The following MID2 variants were observed in gnomAD, a reference collection of about 807,000 sequenced individuals.
The protein encoded by MID2 is midline 2.
Under a neutral mutation model 46.1 loss-of-function variants are expected in MID2, and 13 were observed. That is an observed-to-expected ratio of 0.28 (90% confidence interval 0.18 to 0.45). The LOEUF (loss-of-function observed/expected upper bound fraction) is 0.45, where lower values mean the gene tolerates loss of function less well. Among genes scored for constraint, MID2 ranks in the 20% least tolerant of loss-of-function variants. The pLI is 1.00. For missense variants in MID2, 431 were observed against 575.4 expected (o/e 0.75, Z 2.57); for synonymous variants, 199 against 212.3 (o/e 0.94, Z 0.55).
chrX:107,835,059 G>C (rs1931174969), intron 1 of MID2, among the ~76,000 whole-genome samples: 1 of 111,038 alleles, frequency 9.0e-6, no homozygotes, highest in Admixed American at 9.6e-5. Context: ...CCTGCTCCTG[G>C]CAACCATTAA....
Position 107,841,030 on chromosome X carries a change from G to A in MID2, c.365G>A (p.Arg122Gln), listed in dbSNP as rs775046574. ...SGPNSPSESR[R>Q]ERTYRPTTAM... The stretch of plus-strand genomic sequence containing the variant: ...CCCAATTCCCCTAGTGAGAGCCGCC[G>A]GGAAAGGACTTACAGGCCCACCACT... Residue 122 changes from arginine (R) to glutamine (Q), a missense_variant, in exon 2 of 10, where the codon CGG becomes CAG. By Grantham distance (43) the Arg-to-Gln change is conservative. Coordinates refer to ENST00000262843, the MANE Select transcript of MID2 (RefSeq NM_012216.4). 1.4e-5 allele frequency: 17 copies of A among 1,209,400 alleles called. No homozygotes were observed. In the Admixed American group the frequency reaches 2.6e-4, roughly 19 times the overall value.
chrX:107,910,838 C>CTTTCCTTTCCTTTCCTCTCCT (rs761216078), intron 5 of MID2, among the ~76,000 whole-genome samples: 3 of 42,082 alleles, frequency 7.1e-5, no homozygotes, highest in African/African-American at 5.7e-4. Flanking sequence ...CTTTCCTTTC[C>CTTTCCTTTCCTTTCCTCTCCT]CTCTCTCTTT....
Position 107,832,191 on chromosome X carries a change from C to T in MID2, c.4+5761C>T, listed in dbSNP as rs779199827. 2.7e-5 allele frequency among the ~76,000 whole-genome samples: 3 copies of T among 111,985 alleles called. No individual in the cohort carries two copies. The Admixed American group carries it at 2.8e-4, about 11-fold the overall frequency. On this transcript the variant is annotated intron_variant, in intron 1 of 9. Coordinates refer to ENST00000262843, the MANE Select transcript of MID2 (RefSeq NM_012216.4). ...GCTGGCACTGGTGCTCTCTGCCAGT[C>T]GGTAATCAGCCTCCAGTTCTGAGTT...
chrX:107,924,675 G>A (rs1933139076), intron 8 of MID2, among the ~76,000 whole-genome samples, 171 bp downstream of exon 8: 1 of 111,681 alleles, frequency 9.0e-6, no homozygotes, highest in Non-Finnish European at 1.9e-5. Context: ...GCCCATGGGA[G>A]ATTTGTGGAC....
intron 3 of MID2, among the ~76,000 whole-genome samples, chrX:107,883,530 A>C (rs1015601681): frequency 2.6e-4 from 29 of 112,328 alleles, no homozygotes; most frequent in African/African-American, 9.4e-4. Context: ...TTTCACTGCA[A>C]CCAGTTTTTT....
chrX:107,887,021 G>T (rs1326614559), intron 3 of MID2, among the ~76,000 whole-genome samples: 1 of 111,798 alleles, frequency 8.9e-6, no homozygotes, highest in Non-Finnish European at 1.9e-5. Context: ...AGGAGATTTT[G>T]GGCTGAGATG....
chrX:107,838,343 C>T (rs1931254696), intron 1 of MID2, among the ~76,000 whole-genome samples: 1 of 112,339 alleles, frequency 8.9e-6, no homozygotes, highest in African/African-American at 3.2e-5. Context: ...TCTTCCAATT[C>T]TAAGATTCAA....
At chrX:107,890,884 A>T (rs1355707851) in intron 3 of MID2, among the ~76,000 whole-genome samples, 1 of 109,827 alleles carries the variant, frequency 9.1e-6, no homozygotes, top group African/African-American at 3.3e-5. Flanking sequence ...GCTAGCAATT[A>T]GCGAGGCTCT....
intron 3 of MID2, among the ~76,000 whole-genome samples, chrX:107,882,757 A>C (rs1932352625): frequency 8.9e-6 from 1 of 112,086 alleles, no homozygotes; most frequent in Non-Finnish European, 1.9e-5. Flanking sequence ...TGTTGGTGGG[A>C]CTGTAAACTA....
At chrX:107,912,438 AC>A (rs1932907001) in intron 5 of MID2, among the ~76,000 whole-genome samples, 1 of 111,308 alleles carries the variant, frequency 9.0e-6, no homozygotes, top group Non-Finnish European at 1.9e-5. Context: ...TATAATAGAC[AC>A]CCCTTTGTTT....
At chrX:107,863,104 A>G (rs1327555927) in intron 3 of MID2, among the ~76,000 whole-genome samples, 1 of 112,217 alleles carries the variant, frequency 8.9e-6, no homozygotes, top group Non-Finnish European at 1.9e-5. Flanking sequence ...GTGTGGTCAT[A>G]GCCTATTTTT....
intron 3 of MID2, among the ~76,000 whole-genome samples, chrX:107,873,332 T>G (rs1932119318): frequency 8.9e-6 from 1 of 112,256 alleles, no homozygotes; most frequent in African/African-American, 3.2e-5. Context: ...TCCTTTGGAT[T>G]CCTGGGGGAA....
At chrX:107,835,959 G>T (rs1237435910) in intron 1 of MID2, among the ~76,000 whole-genome samples, 1 of 111,884 alleles carries the variant, frequency 8.9e-6, no homozygotes, top group African/African-American at 3.3e-5. Flanking sequence ...AAAGATTTAT[G>T]CCTATCTTTC....
At chrX:107,922,193 C>T (rs1933084973) in intron 7 of MID2, among the ~76,000 whole-genome samples, 1 of 111,742 alleles carries the variant, frequency 8.9e-6, no homozygotes, top group African/African-American at 3.3e-5. Context: ...TTTGTATGTT[C>T]CTTCTTCCAC....
intron 3 of MID2, among the ~76,000 whole-genome samples, chrX:107,856,109 A>G (rs1223423245): frequency 8.9e-6 from 1 of 112,234 alleles, no homozygotes; most frequent in African/African-American, 3.2e-5. Flanking sequence ...TCTAGGTATC[A>G]CAGGTCATGA....
chrX:107,927,079 A>G lies in MID2; in HGVS notation c.*6A>G, dbSNP rs1351083091. 8.4e-7 allele frequency: 1 copy of G among 1,190,886 alleles called. No homozygotes were observed. Among genetic ancestry groups the G allele is most frequent in the Admixed American group, 2.2e-5 (1 of 44,480 alleles). On this transcript the variant is annotated 3_prime_UTR_variant, in exon 10 of 10. Transcript: ENST00000262843. Reference sequence around the variant, plus strand: ...GGATGAAAACCTGTCATTAAGTTTCAGGAGAGTATATAATTCACTGGCTCT... The same window carrying G: ...GGATGAAAACCTGTCATTAAGTTTCGGGAGAGTATATAATTCACTGGCTCT...
intron 3 of MID2, among the ~76,000 whole-genome samples, chrX:107,857,342 A>G (rs1210547177): frequency 9.5e-6 from 1 of 104,813 alleles, no homozygotes; most frequent in African/African-American, 3.5e-5. Context: ...GTGCAGTGGC[A>G]CAATCTCGGC....
chrX:107,879,664 A>C (rs1037205633), intron 3 of MID2, among the ~76,000 whole-genome samples: 1 of 111,469 alleles, frequency 9.0e-6, no homozygotes, highest in African/African-American at 3.3e-5. Flanking sequence ...TGAGGGTGGG[A>C]CGCTTGCCGG....
chrX:107,889,687 C>G (rs1038268514), intron 3 of MID2, among the ~76,000 whole-genome samples: 7 of 112,092 alleles, frequency 6.2e-5, no homozygotes, highest in Non-Finnish European at 1.1e-4. Flanking sequence ...TGGGGAATTT[C>G]TCCTGGATAA....
Sources: allele counts gnomAD v4.1 joint callset (sites outside exome capture counted in the v4.1 genomes callset), GRCh38; gene constraint gnomAD v4.1.1; transcripts MANE v1.5; gene names NCBI Gene and HGNC (gene_info 2026-07-23, HGNC 2026-07-21).